Variants in CUEDC1 observed in about 807,000 individuals in gnomAD.
CUEDC1 encodes CUE domain containing 1.
A neutral mutation model predicts 43.7 loss-of-function variants in CUEDC1; 30 were observed. The observed-to-expected ratio is 0.69, with a 90% CI of 0.51 to 0.93. The LOEUF is 0.93. Ranked by LOEUF, CUEDC1 falls within the 40% of genes least tolerant of loss-of-function variation. The pLI, the probability that CUEDC1 is intolerant of heterozygous loss-of-function variation, is 0.00. For missense variants in CUEDC1, 486 were observed against 549.0 expected, an observed-to-expected ratio of 0.89 and a Z score of 1.15; for synonymous variants, 223 against 223.6, an observed-to-expected ratio of 1.00 and a Z score of 0.02.
At chr17:57,865,166 G>A (rs1315882523) in intron 10 of CUEDC1, among the ~76,000 whole-genome samples, 3 of 152,240 alleles carry the variant, frequency 2.0e-5, no homozygotes, top group African/African-American at 4.8e-5. Context: ...GGAGAAGGGC[G>A]TGGAGATAGT....
At chr17:57,898,563 G>C (rs1233070494) in intron 1 of CUEDC1, among the ~76,000 whole-genome samples, 2 of 152,188 alleles carry the variant, frequency 1.3e-5, no homozygotes, top group Non-Finnish European at 2.9e-5. Flanking sequence ...GCAGGGGATT[G>C]ACTGTGGTGG....
At chr17:57,947,328 G>A (rs1404364175) in intron 1 of CUEDC1, among the ~76,000 whole-genome samples, 4 of 151,930 alleles carry the variant, frequency 2.6e-5, no homozygotes, top group African/African-American at 9.7e-5. Context: ...TTCACCACCC[G>A]GTATTATTTT....
At chr17:57,877,042 A>G (rs8080016) in intron 3 of CUEDC1, among the ~76,000 whole-genome samples, 78,910 of 152,142 alleles carry the variant, frequency 0.52, 22,290 homozygotes, top group African/African-American at 0.74. Context: ...GCAGCTGAAG[A>G]AAGGGGTGGG....
At chr17:57,933,611 T>C (rs2074831209) in intron 1 of CUEDC1, among the ~76,000 whole-genome samples, 1 of 152,194 alleles carries the variant, frequency 6.6e-6, no homozygotes, top group African/African-American at 2.4e-5. Flanking sequence ...GACTGCTCTC[T>C]GCCAGCTGTG....
At chr17:57,953,450 G>GAA (rs1273431904) in intron 1 of CUEDC1, among the ~76,000 whole-genome samples, 1 of 152,202 alleles carries the variant, frequency 6.6e-6, no homozygotes, top group Non-Finnish European at 1.5e-5. Flanking sequence ...AAAGACCTTA[G>GAA]AAGCAGTCTG....
chr17:57,895,277 C>T (rs1314186704), intron 1 of CUEDC1, among the ~76,000 whole-genome samples: 3 of 152,222 alleles, frequency 2.0e-5, no homozygotes, highest in Admixed American at 6.6e-5. Flanking sequence ...CCAGATTTAA[C>T]ACTCTGTATC....
chr17:57,866,430 C>G, intron 10 of CUEDC1, 44 bp downstream of exon 10: 1 of 1,593,532 alleles, frequency 6.3e-7, no homozygotes, highest in Non-Finnish European at 8.6e-7. Flanking sequence ...GTGGGGGGCC[C>G]TGGCCTTGGG....
chr17:57,937,113 C>T (rs1440986795), intron 1 of CUEDC1, among the ~76,000 whole-genome samples: 2 of 152,070 alleles, frequency 1.3e-5, no homozygotes, highest in Non-Finnish European at 2.9e-5. Flanking sequence ...GCCACCGCAC[C>T]CAGCCCTCAT....
chr17:57,875,147 G>A (rs547598368), intron 3 of CUEDC1, among the ~76,000 whole-genome samples: 94 of 152,294 alleles, frequency 6.2e-4, no homozygotes, highest in African/African-American at 2.2e-3. Flanking sequence ...GAGAGAGGAA[G>A]CCTCATCTCT....
At chr17:57,919,338 C>A (rs1394037359) in intron 1 of CUEDC1, among the ~76,000 whole-genome samples, 1 of 151,850 alleles carries the variant, frequency 6.6e-6, no homozygotes, top group Non-Finnish European at 1.5e-5. Flanking sequence ...CACCACCATG[C>A]CTGGCTAATT....
Position 57,917,280 on chromosome 17 carries a change from GACA to G in CUEDC1, c.-315-31404_-315-31402del, listed in dbSNP as rs377417379. On this transcript the variant is annotated intron_variant, in intron 1 of 10. Transcript: ENST00000577830. ...CCCCGGGTGAATGTTGGAGGAAGATGACAACAAGAGGCCCAGCAGATGGCAGCG... is the reference window on the plus strand; with the variant it reads ...CCCCGGGTGAATGTTGGAGGAAGATGACAAGAGGCCCAGCAGATGGCAGCG... 6.2e-4 allele frequency among the ~76,000 whole-genome samples: 95 copies of G among 152,348 alleles called. 2 individuals are homozygous for G. In the South Asian group the frequency reaches 0.019, roughly 31 times the overall value.
chr17:57,940,714 C>T (rs914269958), intron 1 of CUEDC1, among the ~76,000 whole-genome samples: 32 of 152,220 alleles, frequency 2.1e-4, no homozygotes, highest in African/African-American at 7.5e-4. Flanking sequence ...ATTTGTTTAA[C>T]ATTCATCTGT....
At chr17:57,942,766 C>T (rs929909682) in intron 1 of CUEDC1, among the ~76,000 whole-genome samples, 2 of 151,796 alleles carry the variant, frequency 1.3e-5, no homozygotes, top group Non-Finnish European at 2.9e-5. Context: ...CTGTGGCTCA[C>T]GCCTGTAATC....
rs560229275 is a variant in CUEDC1, at chr17:57,882,604, C to T, written c.336+2625G>A. On this transcript the variant is annotated intron_variant, in intron 2 of 10. Transcript: ENST00000577830. ...TCTCAAATAACAAGAGTTTGAACTG[C>T]GTGGGTCCACTTATAGGTAGATTTT... 7.2e-5 allele frequency among the ~76,000 whole-genome samples: 11 copies of T among 152,244 alleles called. No homozygotes were observed. In the South Asian group the frequency reaches 8.3e-4, roughly 11 times the overall value.
Position 57,903,941 on chromosome 17 carries a change from A to AG in CUEDC1, c.-315-18063_-315-18062insC, listed in dbSNP as rs549967508. On this transcript the variant is annotated intron_variant, in intron 1 of 10. Coordinates refer to ENST00000577830, the MANE Select transcript of CUEDC1 (RefSeq NM_001271875.2). ...ACAGAGAGAGAGACCGTGTTTCAAAAAAAAAAAAAATCAGAGAGGGTTTCC... is the reference window on the plus strand; with the variant it reads ...ACAGAGAGAGAGACCGTGTTTCAAAAGAAAAAAAAAATCAGAGAGGGTTTCC... 2.0e-5 allele frequency among the ~76,000 whole-genome samples: 3 copies of AG among 151,626 alleles called. No individual in the cohort carries two copies. The East Asian group carries it at 5.9e-4, about 30-fold the overall frequency.
At chr17:57,949,349 C>A (rs544911187) in intron 1 of CUEDC1, among the ~76,000 whole-genome samples, 1 of 152,188 alleles carries the variant, frequency 6.6e-6, no homozygotes. Context: ...GGCTTGATGA[C>A]CTTTGTGCTC....
chr17:57,933,048 TG>T (rs1368783672), intron 1 of CUEDC1, among the ~76,000 whole-genome samples: 1 of 152,084 alleles, frequency 6.6e-6, no homozygotes, highest in Non-Finnish European at 1.5e-5. Context: ...CAATGTCTCC[TG>T]GGGGGCCAGA....
intron 3 of CUEDC1, among the ~76,000 whole-genome samples, chr17:57,878,683 T>TTTATTTAC (rs2074163346): frequency 6.9e-6 from 1 of 145,560 alleles, no homozygotes; most frequent in Admixed American, 6.8e-5. Context: ...TATTTATTTA[T>TTTATTTAC]TTACTGAGAG....
intron 1 of CUEDC1, among the ~76,000 whole-genome samples, chr17:57,940,805 A>G: frequency 6.6e-6 from 1 of 152,218 alleles, no homozygotes; most frequent in East Asian, 1.9e-4. Context: ...AAAAAATACA[A>G]TAACTACCCT....
Sources: gnomAD v4.1 joint callset for allele counts (sites outside exome capture counted in the v4.1 genomes callset) on GRCh38, gnomAD v4.1.1 for gene constraint, MANE v1.5 for transcripts, NCBI Gene and HGNC (gene_info 2026-07-23, HGNC 2026-07-21) for gene names.